Variants in CCDC92B observed in about 807,000 individuals in gnomAD.
CCDC92B encodes coiled-coil domain containing 92B.
A neutral mutation model predicts 5.6 loss-of-function variants in CCDC92B; 2 were observed. That is an observed-to-expected ratio of 0.36 (90% CI 0.15 to 1.12). The LOEUF (loss-of-function observed/expected upper bound fraction) is 1.12. CCDC92B is among the 50% of genes most tolerant of loss of function. The pLI is 0.40. For missense variants in CCDC92B, 271 were observed against 262.2 expected (o/e 1.03, Z -0.23); for synonymous variants, 115 against 122.3 (o/e 0.94, Z 0.39).
chr17:2,728,284 C>G (rs2070755720), intron 3 of CCDC92B, among the ~76,000 whole-genome samples: 2 of 148,158 alleles, frequency 1.3e-5, no homozygotes, highest in South Asian at 4.3e-4. Flanking sequence ...TGCCATGGCA[C>G]TCCAGCCTGG....
chr17:2,749,500 C>G lies in CCDC92B; in HGVS notation c.-113G>C, dbSNP rs1044369760. ...CGCTCTTCCCCCCACGCTAGCTGCG[C>G]CCGGGGATCTGCAGCGCCCGCCCCG... On this transcript the variant is annotated 5_prime_UTR_variant, in exon 1 of 4. Coordinates refer to ENST00000614400, the MANE Select transcript of CCDC92B (RefSeq NM_001355573.2). The G allele has an allele frequency of 1.4e-4, 21 of 150,884 alleles. No individual in the cohort carries two copies. The highest frequency in any genetic ancestry group is 4.4e-4 in the African/African-American group (18 of 41,100). The allele number at this position is 150,884 out of a possible 1,614,324, so 9.3% of individuals were successfully genotyped here. A position where few individuals can be genotyped will look rare whatever the true frequency, so the allele number is the denominator to read the frequency against.
At chr17:2,727,391 G>C (rs774771034) in intron 3 of CCDC92B, among the ~76,000 whole-genome samples, 1 of 152,178 alleles carries the variant, frequency 6.6e-6, no homozygotes, top group Non-Finnish European at 1.5e-5. Context: ...CACGTGCAGC[G>C]TGAGTTGAGG....
At chr17:2,738,763 A>G (rs2070884615) in intron 1 of CCDC92B, among the ~76,000 whole-genome samples, 1 of 148,596 alleles carries the variant, frequency 6.7e-6, no homozygotes, top group African/African-American at 2.5e-5. Flanking sequence ...CGTCTCAAAA[A>G]AAAAAAAAAG....
chr17:2,744,509 G>A (rs1055428279), intron 1 of CCDC92B, among the ~76,000 whole-genome samples: 2 of 152,076 alleles, frequency 1.3e-5, no homozygotes, highest in African/African-American at 2.4e-5. Context: ...TTTGTTTATT[G>A]TCTGTTTCTC....
chr17:2,736,515 C>T (rs112211502), intron 1 of CCDC92B, among the ~76,000 whole-genome samples: 5 of 151,964 alleles, frequency 3.3e-5, no homozygotes, highest in Admixed American at 6.6e-5. Context: ...GAGAGGCTGA[C>T]GTGGGAAGAC....
Position 2,739,236 on chromosome 17 carries a change from G to A in CCDC92B, c.-23-4068C>T, listed in dbSNP as rs1348518412. On this transcript the variant is annotated intron_variant, in intron 1 of 3. Transcript: ENST00000614400. ...CAAAAAATTAGCTGGGTGTGGTGGCGGGCGCCTGTAGTCCCAGCTACTCGG... is the reference window on the plus strand; with the variant it reads ...CAAAAAATTAGCTGGGTGTGGTGGCAGGCGCCTGTAGTCCCAGCTACTCGG... Among the ~76,000 whole-genome samples the A allele has an allele frequency of 2.4e-4, 35 of 144,460 alleles. 1 individual carries two copies. The highest frequency in any genetic ancestry group is 6.0e-4 in the African/African-American group (23 of 38,050). 94.8% of individuals were successfully genotyped at this position (144,460 alleles called of 152,430 possible). A position where few individuals can be genotyped will look rare whatever the true frequency, so the allele number is the denominator to read the frequency against.
Position 2,724,211 on chromosome 17 carries a change from G to A in CCDC92B, c.*200C>T. 1.0e-6 allele frequency: 1 copy of A among 984,564 alleles called. No individual in the cohort carries two copies. The highest frequency in any genetic ancestry group is 1.2e-6 in the Non-Finnish European group (1 of 829,238). The allele number at this position is 984,564 out of a possible 1,614,324, so 61.0% of individuals were successfully genotyped here. A position where few individuals can be genotyped will look rare whatever the true frequency, so the allele number is the denominator to read the frequency against. ...CCCCGCGGAGGAACTCTCGCGCGAG[G>A]AGAGGGCTCGAAGCTTTGGAAACGT... On this transcript the variant is annotated 3_prime_UTR_variant, in exon 4 of 4. Transcript: ENST00000614400. This position sits in a 1 kb window ranked among gnomAD's most constrained non-coding sequence, Gnocchi z 5.0.
At chr17:2,748,234 C>T (rs2071010531) in intron 1 of CCDC92B, 1 of 707,672 alleles carries the variant, frequency 1.4e-6, no homozygotes, top group East Asian at 5.3e-5. Context: ...CCCTCACTTA[C>T]TATATCCACC....
intron 1 of CCDC92B, among the ~76,000 whole-genome samples, chr17:2,735,822 G>C (rs1007219456): frequency 5.9e-5 from 9 of 152,306 alleles, no homozygotes; most frequent in Admixed American, 3.9e-4. Context: ...GTTCTAGCCT[G>C]CTCCTCCCGC....
intron 3 of CCDC92B, among the ~76,000 whole-genome samples, chr17:2,727,069 A>G (rs2070739056): frequency 6.6e-6 from 1 of 151,530 alleles, no homozygotes; most frequent in Non-Finnish European, 1.5e-5. Context: ...TTTTGTAGAG[A>G]TGAGGTTTTG....
intron 1 of CCDC92B, among the ~76,000 whole-genome samples, chr17:2,742,787 A>G (rs901568276): frequency 6.6e-6 from 1 of 152,152 alleles, no homozygotes; most frequent in African/African-American, 2.4e-5. Flanking sequence ...TCAAGTCCCA[A>G]TACTGAACTT....
intron 3 of CCDC92B, among the ~76,000 whole-genome samples, chr17:2,725,473 C>T (rs1272693791): frequency 1.3e-5 from 2 of 151,834 alleles, no homozygotes; most frequent in Non-Finnish European, 2.9e-5. Context: ...CTTCCCCACG[C>T]GTCGGCTCAG....
intron 3 of CCDC92B, among the ~76,000 whole-genome samples, 164 bp from the exon 4 acceptor site, chr17:2,725,164 A>T (rs1398531092): frequency 6.6e-6 from 1 of 152,116 alleles, no homozygotes; most frequent in Non-Finnish European, 1.5e-5. Context: ...ACTTGAGGTC[A>T]GGAGTTCGAG....
rs34349370 is a variant in CCDC92B at position 2,740,965 on chromosome 17, CAAAAAAAAAAAAA to C, written c.-23-5810_-23-5798del. Among the ~76,000 whole-genome samples, 7 of 50,932 alleles carry C rather than the reference CAAAAAAAAAAAAA, an allele frequency of 1.4e-4. No individual in the cohort carries two copies. In the South Asian group the frequency reaches 2.8e-3, roughly 20 times the overall value. The allele number at this position is 50,932 out of a possible 152,430, so 33.4% of individuals were successfully genotyped here. ...CTGGTGACAGACAAAGACCCTGTCTCAAAAAAAAAAAAAAAAAAAAAAAAAAAGAGCCAGACTC... is the reference window on the plus strand; with the variant it reads ...CTGGTGACAGACAAAGACCCTGTCTCAAAAAAAAAAAAAAGAGCCAGACTC... On this transcript the variant is annotated intron_variant, in intron 1 of 3. Coordinates refer to ENST00000614400, the MANE Select transcript of CCDC92B (RefSeq NM_001355573.2).
chr17:2,748,242 A>T, intron 1 of CCDC92B: 1 of 746,548 alleles, frequency 1.3e-6, no homozygotes, highest in Non-Finnish European at 2.1e-6. Context: ...TACTATATCC[A>T]CCCTATCTCT....
In CCDC92B at chr17:2,724,025, G is replaced by C. The variant is rs2070691409; in HGVS notation, c.*386C>G. 1 of 984,712 alleles carries C rather than the reference G, an allele frequency of 1.0e-6. No individual in the cohort carries two copies. Among genetic ancestry groups the C allele is most frequent in the African/African-American group, 1.7e-5 (1 of 57,184 alleles). The allele number at this position is 984,712 out of a possible 1,614,324, so 61.0% of individuals were successfully genotyped here. ...GCCTGGGGCGCCAATGCCACTCTGC[G>C]TCCCTTTCCGTAGGCGAGCCCAGCC... On this transcript the variant is annotated 3_prime_UTR_variant, in exon 4 of 4. Coordinates refer to ENST00000614400, the MANE Select transcript of CCDC92B (RefSeq NM_001355573.2). The surrounding 1 kb of genome is among the most constrained non-coding windows in gnomAD (Gnocchi z 5.0).
In CCDC92B at chr17:2,721,736, C is replaced by T. The variant is rs111431129; in HGVS notation, c.*2675G>A. On this transcript the variant is annotated 3_prime_UTR_variant, in exon 4 of 4. Coordinates refer to ENST00000614400, the MANE Select transcript of CCDC92B (RefSeq NM_001355573.2). The stretch of plus-strand genomic sequence containing the variant: ...TTGCCTTATTTCCTTTCCCAGGCAC[C>T]TCCAGCACCTCAGCTGAGAGTCAGT... 11 of 152,454 alleles carry T rather than the reference C, an allele frequency of 7.2e-5. No individual in the cohort carries two copies. The highest frequency in any genetic ancestry group is 2.4e-4 in the African/African-American group (10 of 41,596). 9.4% of individuals were successfully genotyped at this position (152,454 alleles called of 1,614,324 possible). A position where few individuals can be genotyped will look rare whatever the true frequency, so the allele number is the denominator to read the frequency against.
chr17:2,739,324 G>A (rs555983085), intron 1 of CCDC92B, among the ~76,000 whole-genome samples: 14 of 151,592 alleles, frequency 9.2e-5, no homozygotes, highest in African/African-American at 2.9e-4. Flanking sequence ...CTGAGATCGC[G>A]CCATTGCACT....
chr17:2,743,817 C>T (rs2070951901), intron 1 of CCDC92B, among the ~76,000 whole-genome samples: 2 of 152,124 alleles, frequency 1.3e-5, no homozygotes, highest in South Asian at 4.1e-4. Context: ...CCTTAATCTG[C>T]ATTATTTTTT....
Sources: gnomAD v4.1 joint callset for allele counts (sites outside exome capture counted in the v4.1 genomes callset) on GRCh38, gnomAD v4.1.1 for gene constraint, Gnocchi (gnomAD v3.1) non-coding constraint, MANE v1.5 for transcripts, NCBI Gene and HGNC (gene_info 2026-07-23, HGNC 2026-07-21) for gene names.